Variants in TMEM69 observed in about 807,000 individuals in gnomAD.
TMEM69 encodes the protein chromosome 1 open reading frame 154.
A neutral mutation model predicts 15.8 loss-of-function variants in TMEM69; 17 were observed. The ratio of observed to expected loss-of-function variants is 1.07; its 90% confidence interval spans 0.73 to 1.61. The LOEUF is 1.61. Among genes scored for constraint, TMEM69 ranks in the 40% most tolerant of loss-of-function variants. The probability of loss-of-function intolerance (pLI) is 0.00; values close to 1 mark genes in which losing one functional copy is unlikely to be tolerated. For synonymous variants in TMEM69, 80 were observed against 98.6 expected (o/e 0.81, Z 1.12); for missense variants, 230 against 286.1 (o/e 0.80, Z 1.41).
At position 45,690,966 on chromosome 1, in the gene TMEM69, A is replaced by T; in HGVS notation, c.-95-8A>T. 1 of 1,267,168 alleles carries T rather than the reference A, an allele frequency of 7.9e-7. No individual in the cohort carries two copies. The highest frequency in any genetic ancestry group is 2.3e-5 in the East Asian group (1 of 43,126). The allele number at this position is 1,267,168 out of a possible 1,614,324, so 78.5% of individuals were successfully genotyped here. A position where few individuals can be genotyped will look rare whatever the true frequency, so the allele number is the denominator to read the frequency against. ...GGAAAATTAAGTGACACCTTGTGTT[A>T]TACACAGAAACATGCCCCTGATTCA... On this transcript the variant is annotated splice_region_variant and splice_polypyrimidine_tract_variant and intron_variant, in intron 1 of 2. Coordinates refer to ENST00000372025, the MANE Select transcript of TMEM69 (RefSeq NM_016486.4).
intron 2 of TMEM69, among the ~76,000 whole-genome samples, chr1:45,691,352 G>A (rs1645343917): frequency 2.0e-5 from 3 of 152,178 alleles, no homozygotes; most frequent in South Asian, 4.1e-4. Flanking sequence ...AGGAGTTCAA[G>A]ACCAGTCTGG....
intron 2 of TMEM69, among the ~76,000 whole-genome samples, chr1:45,692,476 G>C (rs1056332177): frequency 6.6e-6 from 1 of 152,196 alleles, no homozygotes; most frequent in East Asian, 1.9e-4. Flanking sequence ...ATGAAAGGCA[G>C]TGGGGATTTT....
In TMEM69 at chr1:45,693,896, T is replaced by A. The variant is rs1056248380; in HGVS notation, c.735T>A (p.Gly245=). 2 of 1,589,398 alleles carry A rather than the reference T, an allele frequency of 1.3e-6. No individual in the cohort carries two copies. The highest frequency in any genetic ancestry group is 1.7e-6 in the Non-Finnish European group (2 of 1,169,648). Reference sequence around the variant, plus strand: ...CAGAAAAAGGACATAAGAGACCTGGTCAAGTATAAAAAATATAAAAGTCTG... The same window carrying A: ...CAGAAAAAGGACATAAGAGACCTGGACAAGTATAAAAAATATAAAAGTCTG... The part of the protein sequence containing the change: ...SFPEKGHKRP[G]QV Residue 245 remains glycine (G), a synonymous_variant, in exon 3 of 3, where the codon GGT becomes GGA. Transcript: ENST00000372025.
chr1:45,693,141 C>A, intron 2 of TMEM69, 63 bp from the exon 3 acceptor site: 1 of 1,270,196 alleles, frequency 7.9e-7, no homozygotes, highest in Non-Finnish European at 1.1e-6. Context: ...CTGGGATTGA[C>A]TAAAATCTGA....
chr1:45,691,199 C>T, intron 2 of TMEM69, 89 bp downstream of exon 2: 1 of 1,098,892 alleles, frequency 9.1e-7, no homozygotes, highest in Non-Finnish European at 1.4e-6. Flanking sequence ...AAATCCTTAC[C>T]CTTGTATATT....
intron 1 of TMEM69, among the ~76,000 whole-genome samples, chr1:45,688,556 C>T (rs891285080): frequency 6.6e-5 from 10 of 152,056 alleles, no homozygotes; most frequent in African/African-American, 2.4e-4. Flanking sequence ...ACCTGCCGTC[C>T]CTGGACTTTT....
intron 1 of TMEM69, among the ~76,000 whole-genome samples, chr1:45,689,079 A>G (rs1188868874): frequency 6.6e-6 from 1 of 151,354 alleles, no homozygotes; most frequent in Non-Finnish European, 1.5e-5. Flanking sequence ...AATTTTTTGT[A>G]TTTTTAGTAG....
chr1:45,693,334 T>C lies in TMEM69; in HGVS notation c.173T>C (p.Met58Thr). The part of the protein sequence containing the change: ...PWLSSSFPAY[M>T]SKTQCYHTSP... ...CTTTCCTCATCATTTCCAGCGTATATGAGCAAGACACAGTGCTATCATACA... is the reference window on the plus strand; with the variant it reads ...CTTTCCTCATCATTTCCAGCGTATACGAGCAAGACACAGTGCTATCATACA... The change falls in exon 3 of 3, where the codon ATG becomes ACG. Residue 58 changes from methionine (M) to threonine (T), a missense_variant. Physicochemically the swap from Met to Thr is moderately conservative, Grantham distance 81. Transcript: ENST00000372025. The C allele has an allele frequency of 1.9e-6, 3 of 1,614,112 alleles. No homozygotes were observed. The highest frequency in any genetic ancestry group is 2.5e-6 in the Non-Finnish European group (3 of 1,180,016).
chr1:45,693,349 G>A lies in TMEM69; in HGVS notation c.188G>A (p.Cys63Tyr). 6.2e-7 allele frequency: 1 copy of A among 1,614,100 alleles called. No homozygotes were observed. Among genetic ancestry groups the A allele is most frequent in the Non-Finnish European group, 8.5e-7 (1 of 1,180,026 alleles). Residue 63 changes from cysteine to tyrosine, a missense_variant, in exon 3 of 3, where the codon TGC becomes TAC. By Grantham distance (194) the Cys-to-Tyr change is radical (BLOSUM62 -2). Transcript: ENST00000372025. ...CCAGCGTATATGAGCAAGACACAGT[G>A]CTATCATACATCCCCCTGCAGCTTT... ...SFPAYMSKTQ[C>Y]YHTSPCSFKK... is the part of the protein sequence containing the mutation.
In TMEM69 at chr1:45,690,640, T is replaced by G. The variant is rs541988232; in HGVS notation, c.-95-334T>G. Among the ~76,000 whole-genome samples, 85 of 152,240 alleles carry G rather than the reference T, an allele frequency of 5.6e-4. No individual in the cohort carries two copies. The East Asian group carries it at 0.013, about 23-fold the overall frequency. On this transcript the variant is annotated intron_variant, in intron 1 of 2. Coordinates refer to ENST00000372025, the MANE Select transcript of TMEM69 (RefSeq NM_016486.4). ...TGACCTTCCAGTTTTGTTTTGGTTT[T>G]TTTTTTAATTTCACAAAAACACCAC...
intron 1 of TMEM69, among the ~76,000 whole-genome samples, chr1:45,689,032 T>G (rs1431984516): frequency 6.6e-6 from 1 of 151,094 alleles, no homozygotes; most frequent in Non-Finnish European, 1.5e-5. Context: ...GCCTCCCGAG[T>G]AGCTGGGATT....
At chr1:45,690,889 A>C in intron 1 of TMEM69, 85 bp from the exon 2 acceptor site, 2 of 639,416 alleles carry the variant, frequency 3.1e-6, no homozygotes, top group South Asian at 3.9e-5. Context: ...TTTTCAAAGG[A>C]AAGTGTTATA....
intron 1 of TMEM69, among the ~76,000 whole-genome samples, chr1:45,689,029 G>A (rs1027479268): frequency 4.0e-5 from 6 of 150,618 alleles, no homozygotes; most frequent in Non-Finnish European, 8.8e-5. Context: ...TCAGCCTCCC[G>A]AGTAGCTGGG....
intron 1 of TMEM69, 107 bp from the exon 2 acceptor site, chr1:45,690,867 C>A (rs2148539667): frequency 1.6e-6 from 1 of 608,590 alleles, no homozygotes; most frequent in Admixed American, 3.0e-5. Flanking sequence ...AGTTTGAAAA[C>A]ATTAATGATT....
chr1:45,690,503 AAAAC>A (rs944533193), intron 1 of TMEM69, among the ~76,000 whole-genome samples: 8 of 152,220 alleles, frequency 5.3e-5, no homozygotes, highest in African/African-American at 1.2e-4. Flanking sequence ...CTCTTGTCTC[AAAAC>A]AAACAAACAA....
intron 2 of TMEM69, among the ~76,000 whole-genome samples, chr1:45,692,996 A>G (rs1312024794): frequency 6.6e-6 from 1 of 152,168 alleles, no homozygotes; most frequent in African/African-American, 2.4e-5. Flanking sequence ...TGTACATTGT[A>G]TAGCCATTTA....
At position 45,693,274 on chromosome 1, in the gene TMEM69, T is replaced by C. The variant is rs1557732214; in HGVS notation, c.113T>C (p.Leu38Pro). 59 of 1,614,084 alleles carry C rather than the reference T, an allele frequency of 3.7e-5. No individual in the cohort carries two copies. Among genetic ancestry groups the C allele is most frequent in the Non-Finnish European group, 5.0e-5 (59 of 1,180,042 alleles). The change falls in exon 3 of 3, where the codon CTC becomes CCC. Residue 38 changes from leucine to proline, a missense_variant. By Grantham distance (98) the Leu-to-Pro change is moderately conservative. Transcript: ENST00000372025. ...GATATACTTTCTCTCAAGATGTCTCTCCAGCAAAACTTTTCCCCATGTCCA... is the reference window on the plus strand; with the variant it reads ...GATATACTTTCTCTCAAGATGTCTCCCCAGCAAAACTTTTCCCCATGTCCA... ...RTDILSLKMSLQQNFSPCPRP... is the reference protein window; with the variant it reads ...RTDILSLKMSPQQNFSPCPRP...
intron 1 of TMEM69, among the ~76,000 whole-genome samples, chr1:45,689,371 T>G (rs1201453623): frequency 6.6e-6 from 1 of 152,142 alleles, no homozygotes. Flanking sequence ...GTAAAGTGCT[T>G]TGTGTCAGGG....
rs1569927838 is a variant in TMEM69, at chr1:45,694,103, T to C, written c.*198T>C. On this transcript the variant is annotated 3_prime_UTR_variant, in exon 3 of 3. Coordinates refer to ENST00000372025, the MANE Select transcript of TMEM69 (RefSeq NM_016486.4). ...TTCTGTCTTCCCCAAGTTTGCATTTTCGACATTAAAGTTTACTTTTTAGTT... is the reference window on the plus strand; with the variant it reads ...TTCTGTCTTCCCCAAGTTTGCATTTCCGACATTAAAGTTTACTTTTTAGTT... 4.8e-6 allele frequency: 2 copies of C among 420,388 alleles called. No homozygotes were observed. The highest frequency in any genetic ancestry group is 9.5e-5 in the South Asian group (2 of 21,108). 26.0% of individuals were successfully genotyped at this position (420,388 alleles called of 1,614,324 possible).
Sources: gnomAD v4.1 joint callset for allele counts (sites outside exome capture counted in the v4.1 genomes callset) on GRCh38, gnomAD v4.1.1 for gene constraint, MANE v1.5 for transcripts, NCBI Gene and HGNC (gene_info 2026-07-23, HGNC 2026-07-21) for gene names.